Variants in CREB3L2 observed in about 807,000 individuals in gnomAD.
CREB3L2 encodes cyclic AMP-responsive element-binding protein 3-like protein 2.
A neutral mutation model predicts 57.2 loss-of-function variants in CREB3L2; 23 were observed. The observed-to-expected ratio is 0.40, with a 90% CI of 0.29 to 0.57. CREB3L2 has a LOEUF of 0.57. CREB3L2 is among the 20% of genes least tolerant of loss of function. The pLI is 0.42. For missense variants in CREB3L2, 628 were observed against 634.7 expected, an observed-to-expected ratio of 0.99 and a Z score of 0.11; for synonymous variants, 268 against 265.1, an observed-to-expected ratio of 1.01 and a Z score of -0.11.
At chr7:137,984,198 G>C (rs983163194) in intron 1 of CREB3L2, among the ~76,000 whole-genome samples, 2 of 152,216 alleles carry the variant, frequency 1.3e-5, no homozygotes, top group Admixed American at 1.3e-4. Context: ...GGACACTGCT[G>C]CTTGACCACT....
chr7:137,983,610 C>T (rs962982772), intron 1 of CREB3L2, among the ~76,000 whole-genome samples: 3 of 152,188 alleles, frequency 2.0e-5, no homozygotes, highest in Non-Finnish European at 4.4e-5. Flanking sequence ...CATTGTGAGC[C>T]GCCAAATAAC....
chr7:137,901,762 C>T (rs143179226), intron 7 of CREB3L2, among the ~76,000 whole-genome samples: 3,554 of 150,596 alleles, frequency 0.024, 159 homozygotes, highest in African/African-American at 0.082. Flanking sequence ...GCCTGTAATC[C>T]CAGCTACTCG....
In CREB3L2 at chr7:138,001,811, T is replaced by A; in HGVS notation, c.-106A>T. On this transcript the variant is annotated 5_prime_UTR_variant, in exon 1 of 12. Transcript: ENST00000330387. This position sits in a 1 kb window ranked among gnomAD's most constrained non-coding sequence, Gnocchi z 4.2. Reference sequence around the variant, plus strand: ...CTCTCTCCGCGTGTGCTTGCGTGTGTGCGCGCGCGTGTCTGTAGTTTTGCA... The same window carrying A: ...CTCTCTCCGCGTGTGCTTGCGTGTGAGCGCGCGCGTGTCTGTAGTTTTGCA... 1 of 731,248 alleles carries A rather than the reference T, an allele frequency of 1.4e-6. No homozygotes were observed. The highest frequency in any genetic ancestry group is 2.1e-6 in the Non-Finnish European group (1 of 477,382). The allele number at this position is 731,248 out of a possible 1,614,324, so 45.3% of individuals were successfully genotyped here. A position where few individuals can be genotyped will look rare whatever the true frequency, so the allele number is the denominator to read the frequency against.
intron 1 of CREB3L2, among the ~76,000 whole-genome samples, chr7:137,952,882 A>T (rs897332963): frequency 3.3e-5 from 5 of 151,968 alleles, no homozygotes; most frequent in Non-Finnish European, 7.4e-5. Context: ...CAGTGGCGTG[A>T]TCTTGGCTCA....
intron 2 of CREB3L2, among the ~76,000 whole-genome samples, chr7:137,920,995 C>T (rs1800263029): frequency 6.6e-6 from 1 of 152,154 alleles, no homozygotes; most frequent in Non-Finnish European, 1.5e-5. Flanking sequence ...TCTCCATGTC[C>T]TTACTTTTGT....
At position 137,946,768 on chromosome 7, in the gene CREB3L2, AG is replaced by A. The variant is rs1800986618; in HGVS notation, c.103-18403del. On this transcript the variant is annotated intron_variant, in intron 1 of 11. Transcript: ENST00000330387. ...TTTTTTATAGTTATCTATATAGTTT[AG>A]TTATCTATATAGTTATCTATATAGT... 6.3e-5 allele frequency among the ~76,000 whole-genome samples: 2 copies of A among 31,928 alleles called. 1 individual carries two copies. Among genetic ancestry groups the A allele is most frequent in the East Asian group, 6.5e-3 (2 of 310 alleles). 20.9% of individuals were successfully genotyped at this position (31,928 alleles called of 152,430 possible).
intron 1 of CREB3L2, among the ~76,000 whole-genome samples, chr7:137,979,914 G>A (rs1801683627): frequency 6.6e-6 from 1 of 152,176 alleles, no homozygotes. Flanking sequence ...ATCCAGGGGA[G>A]GCCACATCAG....
intron 1 of CREB3L2, among the ~76,000 whole-genome samples, chr7:137,952,804 A>ATTGTTT (rs973021452): frequency 3.3e-5 from 5 of 151,952 alleles, no homozygotes; most frequent in South Asian, 2.1e-4. Context: ...TTTAAGAATA[A>ATTGTTT]TTGTTTTTGT....
intron 5 of CREB3L2, among the ~76,000 whole-genome samples, chr7:137,906,461 TCAAA>T (rs772863064): frequency 3.2e-4 from 49 of 152,256 alleles, no homozygotes; most frequent in Non-Finnish European, 6.2e-4. Flanking sequence ...TTATAATTAA[TCAAA>T]CAGAGTCCCT....
At chr7:137,899,000 AAGG>A (rs2117195303) in intron 8 of CREB3L2, among the ~76,000 whole-genome samples, 1 of 146,306 alleles carries the variant, frequency 6.8e-6, no homozygotes, top group South Asian at 2.2e-4. Context: ...GGGAGAAAGG[AAGG>A]AGAAGGGGAA....
chr7:137,901,538 C>A, intron 7 of CREB3L2, 116 bp from the exon 8 acceptor site: 7 of 585,416 alleles, frequency 1.2e-5, no homozygotes, highest in Admixed American at 3.1e-5. Flanking sequence ...TCTGCCACCC[C>A]ATGGAAGTGT....
intron 1 of CREB3L2, among the ~76,000 whole-genome samples, chr7:137,944,932 G>C (rs1014741325): frequency 6.6e-6 from 1 of 151,764 alleles, no homozygotes; most frequent in African/African-American, 2.4e-5. Context: ...TTGCTCTGTA[G>C]ACCAGGCTGG....
chr7:137,878,565 C>T lies in CREB3L2; in HGVS notation c.*1911G>A, dbSNP rs538077075. The stretch of plus-strand genomic sequence containing the variant: ...GCAGAACCTACTAGCAACCCTCCTC[C>T]TGCACAGCTCAGACAGTCTCCGCCC... On this transcript the variant is annotated 3_prime_UTR_variant, in exon 12 of 12. Coordinates refer to ENST00000330387, the MANE Select transcript of CREB3L2 (RefSeq NM_194071.4). 3 of 233,500 alleles carry T rather than the reference C, an allele frequency of 1.3e-5. No homozygotes were observed. In the South Asian group the frequency reaches 5.4e-4, roughly 42 times the overall value. 14.5% of individuals were successfully genotyped at this position (233,500 alleles called of 1,614,324 possible).
Position 137,894,519 on chromosome 7 carries a change from T to G in CREB3L2, c.1043+6835A>C, listed in dbSNP as rs540032114. On this transcript the variant is annotated intron_variant, in intron 8 of 11. Transcript: ENST00000330387. The stretch of plus-strand genomic sequence containing the variant: ...GCTGTCTCTGTCTACCCCATTGGCT[T>G]CAGGGGTGCCCACTGGTCACCAGGT... Among the ~76,000 whole-genome samples the G allele has an allele frequency of 3.3e-5, 5 of 152,332 alleles. No individual in the cohort carries two copies. In the South Asian group the frequency reaches 1.0e-3, roughly 32 times the overall value.
Position 137,928,354 on chromosome 7 carries a change from G to T in CREB3L2, c.115C>A (p.Leu39Ile), listed in dbSNP as rs1800529394. 2 of 1,613,620 alleles carry T rather than the reference G, an allele frequency of 1.2e-6. No homozygotes were observed. Among genetic ancestry groups the T allele is most frequent in the Admixed American group, 3.3e-5 (2 of 59,958 alleles). Residue 39 changes from leucine (L) to isoleucine (I), a missense_variant, in exon 2 of 12, where the codon CTT (leucine) becomes ATT (isoleucine). Physicochemically the swap from Leu to Ile is conservative, Grantham distance 5 (BLOSUM62 2). Around this residue, in one of 3 missense-constraint regions of CREB3L2, gnomAD observed 339 missense variants for 355.4 expected, o/e 0.95. Coordinates refer to ENST00000330387, the MANE Select transcript of CREB3L2 (RefSeq NM_194071.4). The part of the protein sequence containing the change: ...ALMYHTHFSE[L>I]LDEFSQNVLG... ...ACGTTCTGGGAAAACTCATCCAGAA[G>T]TTCTGAGAAGTGCTACAAGAAACAA...
chr7:137,879,083 A>G lies in CREB3L2; in HGVS notation c.*1393T>C. Reference sequence around the variant, plus strand: ...GAAAAAACACTTGAGGGTTTTCTACATTACACAATAAAAAGGCAATTTCCA... The same window carrying G: ...GAAAAAACACTTGAGGGTTTTCTACGTTACACAATAAAAAGGCAATTTCCA... On this transcript the variant is annotated 3_prime_UTR_variant, in exon 12 of 12. Coordinates refer to ENST00000330387, the MANE Select transcript of CREB3L2 (RefSeq NM_194071.4). The G allele has an allele frequency of 2.1e-6, 1 of 474,640 alleles. No homozygotes were observed. Among genetic ancestry groups the G allele is most frequent in the Non-Finnish European group, 3.9e-6 (1 of 253,470 alleles). 29.4% of individuals were successfully genotyped at this position (474,640 alleles called of 1,614,324 possible).
chr7:137,922,415 T>TACCC (rs1491237233), intron 2 of CREB3L2, among the ~76,000 whole-genome samples: 1 of 23,158 alleles, frequency 4.3e-5, no homozygotes, highest in African/African-American at 1.4e-4. Context: ...TATATATATA[T>TACCC]GTATATATAT....
chr7:137,884,618 A>G, intron 10 of CREB3L2: 2 of 529,034 alleles, frequency 3.8e-6, no homozygotes, highest in South Asian at 2.4e-5. Flanking sequence ...TTACTCATAC[A>G]ATTCCACTCA....
chr7:137,912,913 C>T, intron 4 of CREB3L2, 78 bp downstream of exon 4: 1 of 1,585,594 alleles, frequency 6.3e-7, no homozygotes, highest in South Asian at 1.1e-5. Context: ...CTCATCCCAG[C>T]TCTCTCGCCA....
Sources: allele counts gnomAD v4.1 joint callset (sites outside exome capture counted in the v4.1 genomes callset), GRCh38; gene constraint gnomAD v4.1.1; regional missense constraint gnomAD v4.1.1; non-coding constraint Gnocchi (gnomAD v3.1); transcripts MANE v1.5; gene names NCBI Gene and HGNC (gene_info 2026-07-23, HGNC 2026-07-21).